LRRC27: variants seen among roughly 807,000 people sequenced by gnomAD.
LRRC27 encodes leucine-rich repeat-containing protein 27.
LRRC27 carries 57 observed loss-of-function variants against 55.0 expected under a neutral mutation model. The ratio of observed to expected loss-of-function variants is 1.04; its 90% CI spans 0.84 to 1.29. LRRC27 has a LOEUF of 1.29. Among genes scored for constraint, LRRC27 ranks in the 50% most tolerant of loss-of-function variants. LRRC27 has a pLI of 0.00. For synonymous variants in LRRC27, 278 were observed against 251.9 expected, an observed-to-expected ratio of 1.10 and a Z score of -0.98; for missense variants, 721 against 651.5, an observed-to-expected ratio of 1.11 and a Z score of -1.16.
intron 2 of LRRC27, chr10:132,337,252 G>A (rs2138618630): frequency 8.4e-7 from 1 of 1,190,574 alleles, no homozygotes; most frequent in Non-Finnish European, 1.0e-6. Flanking sequence ...TGAGTGTGGG[G>A]CCCCGGAATT....
chr10:132,361,679 C>A, intron 9 of LRRC27, 104 bp downstream of exon 9: 1 of 850,046 alleles, frequency 1.2e-6, no homozygotes, highest in Admixed American at 2.0e-5. Flanking sequence ...AGCCCTGAAA[C>A]TCCAGGCTGT....
intron 8 of LRRC27, among the ~76,000 whole-genome samples, chr10:132,356,959 AAGGC>A (rs1366280917): frequency 3.3e-5 from 5 of 152,268 alleles, no homozygotes; most frequent in African/African-American, 1.2e-4. Context: ...TAGCTGGGGT[AAGGC>A]CCCCAAGGGC....
chr10:132,379,359 A>G lies in LRRC27; in HGVS notation c.*4117A>G, dbSNP rs1418807561. 1 of 146,814 alleles carries G rather than the reference A, an allele frequency of 6.8e-6. No homozygotes were observed. Among genetic ancestry groups the G allele is most frequent in the Non-Finnish European group, 1.5e-5 (1 of 67,444 alleles). 9.1% of individuals were successfully genotyped at this position (146,814 alleles called of 1,614,324 possible). ...TCCTCTCACCTCCGTGTTCTCGGGGAGTGCGTGGTGTCAGATCCCATCCTG... is the reference window on the plus strand; with the variant it reads ...TCCTCTCACCTCCGTGTTCTCGGGGGGTGCGTGGTGTCAGATCCCATCCTG... On this transcript the variant is annotated 3_prime_UTR_variant, in exon 11 of 11. Transcript: ENST00000368614.
chr10:132,353,634 A>T (rs1459475216), intron 7 of LRRC27, among the ~76,000 whole-genome samples: 1 of 152,188 alleles, frequency 6.6e-6, no homozygotes, highest in Non-Finnish European at 1.5e-5. Context: ...GTCCTAGGAC[A>T]TGGGAGTGTG....
intron 3 of LRRC27, among the ~76,000 whole-genome samples, chr10:132,339,578 A>G (rs2698774): frequency 0.4 from 60,347 of 152,092 alleles, 12,206 homozygotes; most frequent in African/African-American, 0.43. Flanking sequence ...TGGGAGCTGC[A>G]TGGGAGCCAG....
Position 132,348,435 on chromosome 10 carries a change from C to A in LRRC27, c.926+79C>A. ...TATTTTAAATTATCTTTGAAAACAT[C>A]AGGTCCAGCTTTTAAAGTGTCCTCC... is the stretch of plus-strand genomic sequence containing the variant. On this transcript the variant is annotated intron_variant, in intron 6 of 10. Coordinates refer to ENST00000368614, the MANE Select transcript of LRRC27 (RefSeq NM_030626.3). This position sits in a 1 kb window ranked among gnomAD's most constrained non-coding sequence, Gnocchi z 4.2. 2 of 1,534,310 alleles carry A rather than the reference C, an allele frequency of 1.3e-6. No individual in the cohort carries two copies. Among genetic ancestry groups the A allele is most frequent in the Non-Finnish European group, 1.8e-6 (2 of 1,137,902 alleles).
rs1296209567 is a variant in LRRC27 at position 132,380,641 on chromosome 10, AGAGT to A, written c.*5403_*5406del. Among the ~76,000 whole-genome samples, 1 of 152,190 alleles carries A rather than the reference AGAGT, an allele frequency of 6.6e-6. No homozygotes were observed. The highest frequency in any genetic ancestry group is 2.4e-5 in the African/African-American group (1 of 41,434). ...ACCACTGCACTCAAGCCTGGGCAACAGAGTGAGACCCCAACTTGAAAAAAAGGGG... is the reference window on the plus strand; with the variant it reads ...ACCACTGCACTCAAGCCTGGGCAACAGAGACCCCAACTTGAAAAAAAGGGG... On this transcript the variant is annotated 3_prime_UTR_variant, in exon 11 of 11. Transcript: ENST00000368614.
At chr10:132,364,420 T>TACATCTACCTCCACACCCACACTC (rs1564853282) in intron 9 of LRRC27, among the ~76,000 whole-genome samples, 1 of 66,588 alleles carries the variant, frequency 1.5e-5, no homozygotes, top group African/African-American at 8.0e-5. Context: ...CACCCGCGCT[T>TACATCTACCTCCACACCCACACTC]ACACCCACGC....
chr10:132,375,470 G>T lies in LRRC27; in HGVS notation c.*228G>T. On this transcript the variant is annotated 3_prime_UTR_variant, in exon 11 of 11. Transcript: ENST00000368614. ...AAGGACACTGTGAGCACGTGGTCTCGCCTTCCCTTCTTCCTGCAGGTTCCC... is the reference window on the plus strand; with the variant it reads ...AAGGACACTGTGAGCACGTGGTCTCTCCTTCCCTTCTTCCTGCAGGTTCCC... The T allele has an allele frequency of 2.2e-6, 1 of 450,562 alleles. No individual in the cohort carries two copies. Among genetic ancestry groups the T allele is most frequent in the South Asian group, 3.4e-5 (1 of 29,524 alleles). 27.9% of individuals were successfully genotyped at this position (450,562 alleles called of 1,614,324 possible).
At chr10:132,331,028 C>T (rs1442856890), upstream of LRRC27, among the ~76,000 whole-genome samples, 1 of 150,756 alleles carries the variant, frequency 6.6e-6, no homozygotes, top group East Asian at 2.0e-4. Flanking sequence ...TGATGAAACC[C>T]CGTCTCTACT....
Position 132,375,054 on chromosome 10 carries a change from G to A in LRRC27, c.1417-12G>A, listed in dbSNP as rs1186032670. 1.9e-6 allele frequency: 3 copies of A among 1,599,852 alleles called. No individual in the cohort carries two copies. The highest frequency in any genetic ancestry group is 1.1e-5 in the South Asian group (1 of 90,324). ...GCCTTTCTAACATCTCCCCCTCCTT[G>A]TCTCCCATAAGGCCACAGAGCTACA... is the stretch of plus-strand genomic sequence containing the variant. On this transcript the variant is annotated splice_polypyrimidine_tract_variant and intron_variant, in intron 10 of 10. Coordinates refer to ENST00000368614, the MANE Select transcript of LRRC27 (RefSeq NM_030626.3).
chr10:132,369,375 C>T (rs2069164322), intron 10 of LRRC27, among the ~76,000 whole-genome samples: 1 of 152,178 alleles, frequency 6.6e-6, no homozygotes, highest in Non-Finnish European at 1.5e-5. Context: ...AGGTGTCCTT[C>T]AGCAGGTGAC....
Position 132,369,296 on chromosome 10 carries a change from T to C in LRRC27, c.1416+3746T>C, listed in dbSNP as rs115732905. Among the ~76,000 whole-genome samples, 1,497 of 152,366 alleles carry C rather than the reference T, an allele frequency of 9.8e-3. 32 individuals are homozygous for C. Among genetic ancestry groups the C allele is most frequent in the African/African-American group, 0.033 (1,375 of 41,576 alleles). Reference sequence around the variant, plus strand: ...TTTACCCAAAGGAGATGAAAACTTATGTCTACACCAAAACCTGCACACAGA... The same window carrying C: ...TTTACCCAAAGGAGATGAAAACTTACGTCTACACCAAAACCTGCACACAGA... On this transcript the variant is annotated intron_variant, in intron 10 of 10. Coordinates refer to ENST00000368614, the MANE Select transcript of LRRC27 (RefSeq NM_030626.3).
intron 9 of LRRC27, among the ~76,000 whole-genome samples, chr10:132,363,697 G>T (rs955405384): frequency 2.6e-5 from 4 of 152,188 alleles, no homozygotes; most frequent in Non-Finnish European, 4.4e-5. Flanking sequence ...GCCTGAGCTT[G>T]GAAGGCCCAG....
intron 10 of LRRC27, chr10:132,366,395 C>G (rs575886858): frequency 6.6e-6 from 1 of 152,636 alleles, no homozygotes; most frequent in African/African-American, 2.4e-5. Flanking sequence ...GGAATGTTAA[C>G]CATCCTCTCA....
At chr10:132,337,153 G>A (rs1004221459) in intron 2 of LRRC27, 1 of 1,191,302 alleles carries the variant, frequency 8.4e-7, no homozygotes, top group Non-Finnish European at 1.0e-6. Flanking sequence ...ACCAGACATG[G>A]CTCTGGCTAT....
chr10:132,366,949 C>G, intron 10 of LRRC27: 1 of 1,283,794 alleles, frequency 7.8e-7, no homozygotes, highest in Non-Finnish European at 1.0e-6. Flanking sequence ...TCTTTTCCTC[C>G]TCAGCCCAAG....
intron 2 of LRRC27, chr10:132,337,240 A>G (rs932826675): frequency 8.5e-7 from 1 of 1,180,446 alleles, no homozygotes; most frequent in Non-Finnish European, 1.0e-6. Context: ...CGGCCGAGAC[A>G]CTGAGTGTGG....
At chr10:132,367,012 A>ACC (rs1253676829) in intron 10 of LRRC27, 2 of 1,203,040 alleles carry the variant, frequency 1.7e-6, no homozygotes, top group Non-Finnish European at 1.1e-6. Context: ...TCCATCGTTT[A>ACC]TGAGTATGAC....
Sources: allele counts gnomAD v4.1 joint callset (sites outside exome capture counted in the v4.1 genomes callset), GRCh38; gene constraint gnomAD v4.1.1; non-coding constraint Gnocchi (gnomAD v3.1); transcripts MANE v1.5; gene names NCBI Gene and HGNC (gene_info 2026-07-23, HGNC 2026-07-21).